The following CACNG5 variants were observed in gnomAD, a reference collection of about 807,000 sequenced individuals.
CACNG5 encodes voltage-dependent calcium channel gamma-5 subunit.
CACNG5 carries 18 observed loss-of-function variants against 24.8 expected under a neutral mutation model. That is an observed-to-expected ratio of 0.73 (90% CI 0.50 to 1.08). CACNG5 has a LOEUF of 1.08. Among genes scored for constraint, CACNG5 ranks in the 50% least tolerant of loss-of-function variants. The pLI is 0.00. For synonymous variants in CACNG5, 157 were observed against 149.1 expected (o/e 1.05, Z -0.39); for missense variants, 349 against 367.9 (o/e 0.95, Z 0.42).
chr17:66,893,314 G>A lies in CACNG5; in HGVS notation c.*8074G>A, dbSNP rs913174461. Reference sequence around the variant, plus strand: ...AAGGAAAGGTCTAAATGCAAACAACGGTGATGTGTCGTTTCCTGAAAGCCT... The same window carrying A: ...AAGGAAAGGTCTAAATGCAAACAACAGTGATGTGTCGTTTCCTGAAAGCCT... On this transcript the variant is annotated 3_prime_UTR_variant, in exon 6 of 6. Transcript: ENST00000533854. Among the ~76,000 whole-genome samples, 1 of 152,078 alleles carries A rather than the reference G, an allele frequency of 6.6e-6. No individual in the cohort carries two copies. Among genetic ancestry groups the A allele is most frequent in the African/African-American group, 2.4e-5 (1 of 41,400 alleles).
chr17:66,855,414 G>A (rs1442872227), intron 1 of CACNG5, among the ~76,000 whole-genome samples: 2 of 152,184 alleles, frequency 1.3e-5, no homozygotes, highest in African/African-American at 4.8e-5. Context: ...GACAGGGGGC[G>A]ACCTCTTCCC....
chr17:66,851,157 G>C (rs1976706186), intron 1 of CACNG5, among the ~76,000 whole-genome samples: 1 of 151,974 alleles, frequency 6.6e-6, no homozygotes. Flanking sequence ...GGTGGAGGAG[G>C]GTCTCCTCCA....
intron 1 of CACNG5, among the ~76,000 whole-genome samples, chr17:66,873,193 G>A (rs1010399772): frequency 6.6e-6 from 1 of 152,104 alleles, no homozygotes; most frequent in African/African-American, 2.4e-5. Flanking sequence ...CACAGTGCCT[G>A]GGAGCTAAAC....
chr17:66,842,306 G>C (rs894840758), intron 1 of CACNG5, among the ~76,000 whole-genome samples: 1 of 152,216 alleles, frequency 6.6e-6, no homozygotes, highest in African/African-American at 2.4e-5. Flanking sequence ...CAAGTTCCCT[G>C]CTGGCTCTTG....
chr17:66,890,487 C>T lies in CACNG5; in HGVS notation c.*5247C>T, dbSNP rs981402780. Among the ~76,000 whole-genome samples the T allele has an allele frequency of 6.6e-6, 1 of 152,244 alleles. No homozygotes were observed. Among genetic ancestry groups the T allele is most frequent in the Non-Finnish European group, 1.5e-5 (1 of 68,038 alleles). ...GTCTCTGGAGTCTCACATCCCTGAACCAGGATCCTGGACCTCTGCTCTGTG... is the reference window on the plus strand; with the variant it reads ...GTCTCTGGAGTCTCACATCCCTGAATCAGGATCCTGGACCTCTGCTCTGTG... On this transcript the variant is annotated 3_prime_UTR_variant, in exon 6 of 6. Coordinates refer to ENST00000533854, the MANE Select transcript of CACNG5 (RefSeq NM_145811.3).
Position 66,846,735 on chromosome 17 carries a change from A to G in CACNG5, c.-104+11485A>G, listed in dbSNP as rs568170999. Among the ~76,000 whole-genome samples the G allele has an allele frequency of 5.9e-5, 9 of 152,340 alleles. No homozygotes were observed. The South Asian group carries it at 1.9e-3, about 32-fold the overall frequency. ...ATAATGCTGTGATGAACATTCATGT[A>G]CAAGTATTTGTCTGAACACCTGCTT... On this transcript the variant is annotated intron_variant, in intron 1 of 5. Transcript: ENST00000533854.
At chr17:66,862,453 G>A (rs1271918645) in intron 1 of CACNG5, among the ~76,000 whole-genome samples, 4 of 151,918 alleles carry the variant, frequency 2.6e-5, no homozygotes, top group Non-Finnish European at 5.9e-5. Context: ...GTGTGTGTGT[G>A]CACATAGGCA....
intron 1 of CACNG5, among the ~76,000 whole-genome samples, chr17:66,844,122 A>G (rs758563437): frequency 1.1e-4 from 16 of 152,184 alleles, no homozygotes; most frequent in Non-Finnish European, 2.1e-4. Flanking sequence ...GAGTAATGCT[A>G]GGAGCTAATA....
chr17:66,877,374 T>C lies in CACNG5; in HGVS notation c.42T>C (p.Ser14=), dbSNP rs753244593. 3.7e-6 allele frequency: 6 copies of C among 1,614,074 alleles called. No individual in the cohort carries two copies. Among genetic ancestry groups the C allele is most frequent in the South Asian group, 1.1e-5 (1 of 91,074 alleles). ...CGRKALTLLS[S]VFAVCGLGLL... is the part of the protein sequence containing the mutation. ...GGAAGGCCCTGACCCTGCTGAGCAG[T>C]GTCTTTGCTGTCTGTGGCTTGGGCC... The change falls in exon 2 of 6, where the codon AGT becomes AGC. Residue 14 remains serine, a synonymous_variant. Coordinates refer to ENST00000533854, the MANE Select transcript of CACNG5 (RefSeq NM_145811.3).
At chr17:66,872,485 T>G (rs542000013) in intron 1 of CACNG5, among the ~76,000 whole-genome samples, 8 of 152,246 alleles carry the variant, frequency 5.3e-5, no homozygotes, top group African/African-American at 1.9e-4. Context: ...AAAAAAAGAC[T>G]AAAAGGCAAT....
chr17:66,852,705 A>G lies in CACNG5; in HGVS notation c.-104+17455A>G, dbSNP rs556369724. 3.9e-5 allele frequency among the ~76,000 whole-genome samples: 6 copies of G among 152,296 alleles called. No individual in the cohort carries two copies. In the East Asian group the frequency reaches 1.2e-3, roughly 29 times the overall value. On this transcript the variant is annotated intron_variant, in intron 1 of 5. Transcript: ENST00000533854. ...AGTATCTTGTGCCTCTTTGCAGCTA[A>G]TGCCCTGCCCTCTGCTGATCTGCTT...
At chr17:66,856,661 C>T (rs1976782338) in intron 1 of CACNG5, among the ~76,000 whole-genome samples, 1 of 151,878 alleles carries the variant, frequency 6.6e-6, no homozygotes, top group Non-Finnish European at 1.5e-5. Flanking sequence ...CCTGTCTCAG[C>T]CTCCCGAGCA....
At chr17:66,877,788 C>T (rs2143113647) in intron 2 of CACNG5, among the ~76,000 whole-genome samples, 1 of 152,328 alleles carries the variant, frequency 6.6e-6, no homozygotes, top group South Asian at 2.1e-4. Context: ...TATGCCTTCC[C>T]CACACTCTGC....
intron 1 of CACNG5, among the ~76,000 whole-genome samples, chr17:66,859,367 G>T (rs1285904018): frequency 6.6e-6 from 1 of 152,196 alleles, no homozygotes; most frequent in Non-Finnish European, 1.5e-5. Flanking sequence ...CGGAGGGATA[G>T]AGTGTGGTGG....
In CACNG5 at chr17:66,884,609, A is replaced by G. The variant is rs889607642; in HGVS notation, c.518A>G (p.Tyr173Cys). Residue 173 changes from tyrosine (Y) to cysteine (C), a missense_variant, in exon 5 of 6, where the codon TAC becomes TGC. Transcript: ENST00000533854. ...AAGGATGCAGAGACCTACTTCAACT[A>G]CAAGTATGGGTGGTCGTTTGCCTTC... is the stretch of plus-strand genomic sequence containing the variant. The part of the protein sequence containing the change: ...RTKDAETYFN[Y>C]KYGWSFAFAA... 2 of 1,614,074 alleles carry G rather than the reference A, an allele frequency of 1.2e-6. No individual in the cohort carries two copies. Among genetic ancestry groups the G allele is most frequent in the Non-Finnish European group, 1.7e-6 (2 of 1,180,008 alleles).
intron 2 of CACNG5, among the ~76,000 whole-genome samples, chr17:66,877,839 T>C (rs1233582594): frequency 6.6e-6 from 1 of 152,260 alleles, no homozygotes; most frequent in Non-Finnish European, 1.5e-5. Flanking sequence ...AGATCTCAAA[T>C]GTTCATGCAT....
chr17:66,888,924 G>A lies in CACNG5; in HGVS notation c.*3684G>A, dbSNP rs1028609038. On this transcript the variant is annotated 3_prime_UTR_variant, in exon 6 of 6. Transcript: ENST00000533854. The stretch of plus-strand genomic sequence containing the variant: ...TCATGTTGACCTTAGCCATTAGGCT[G>A]ATGCCCTTTGAATTTAGGTGGTTTT... Among the ~76,000 whole-genome samples, 3 of 152,140 alleles carry A rather than the reference G, an allele frequency of 2.0e-5. No homozygotes were observed. Among genetic ancestry groups the A allele is most frequent in the African/African-American group, 7.2e-5 (3 of 41,428 alleles).
intron 1 of CACNG5, among the ~76,000 whole-genome samples, chr17:66,861,025 GCACA>G (rs140020871): frequency 1.1e-3 from 165 of 150,304 alleles, no homozygotes; most frequent in African/African-American, 3.3e-3. Flanking sequence ...GCACATGCAC[GCACA>G]CACACACACA....
intron 1 of CACNG5, among the ~76,000 whole-genome samples, chr17:66,836,579 C>G (rs1976484623): frequency 6.6e-6 from 1 of 152,256 alleles, no homozygotes; most frequent in Non-Finnish European, 1.5e-5. Context: ...AGCCCTAGAT[C>G]TGCCTCACTT....
Sources: gnomAD v4.1 joint callset for allele counts (sites outside exome capture counted in the v4.1 genomes callset) on GRCh38, gnomAD v4.1.1 for gene constraint, MANE v1.5 for transcripts, NCBI Gene and HGNC (gene_info 2026-07-23, HGNC 2026-07-21) for gene names.